Variants in CEBPZOS observed in about 807,000 individuals in gnomAD.
The protein encoded by CEBPZOS is CEBPZ opposite strand, also known as protein CEBPZOS.
In CEBPZOS, 10 loss-of-function variants were observed where a neutral mutation model predicts 4.8. That is an observed-to-expected ratio of 2.07 (90% CI 1.28 to 3.52). CEBPZOS has a LOEUF of 3.52. CEBPZOS is among the 30% of genes most tolerant of loss of function. The pLI is 0.00. For missense variants in CEBPZOS, 98 were observed against 43.6 expected, an observed-to-expected ratio of 2.25 and a Z score of -3.51; for synonymous variants, 25 against 14.2, an observed-to-expected ratio of 1.77 and a Z score of -1.72.
At position 37,200,494 on chromosome 2, in the gene CEBPZOS, A is replaced by C. The variant is rs147544909; in HGVS notation, c.116-554A>C. 3.5e-3 allele frequency among the ~76,000 whole-genome samples: 537 copies of C among 152,282 alleles called. 4 individuals are homozygous for C. Among genetic ancestry groups the C allele is most frequent in the African/African-American group, 0.012 (509 of 41,552 alleles). Reference sequence around the variant, plus strand: ...AACTCTAAGGAAGGGTATTAAAAAAACATCCCAACAGTATTTAAAAACAAA... The same window carrying C: ...AACTCTAAGGAAGGGTATTAAAAAACCATCCCAACAGTATTTAAAAACAAA... On this transcript the variant is annotated intron_variant, in intron 2 of 4. Coordinates refer to ENST00000402297, the MANE Select transcript of CEBPZOS (RefSeq NM_001322374.2).
chr2:37,212,698 T>A (rs1677761911), intron 4 of CEBPZOS: 1 of 374,890 alleles, frequency 2.7e-6, no homozygotes, highest in Admixed American at 4.4e-5. Context: ...CTTTTTACTC[T>A]ATTAGAACTA....
chr2:37,200,912 AG>A (rs1320788708), intron 2 of CEBPZOS, 135 bp from the exon 3 acceptor site: 8 of 590,162 alleles, frequency 1.4e-5, no homozygotes, highest in African/African-American at 1.3e-4. Context: ...CTGGATTACC[AG>A]AAAGACCTTC....
intron 1 of CEBPZOS, among the ~76,000 whole-genome samples, chr2:37,197,040 C>G (rs1676978159): frequency 6.6e-6 from 1 of 152,200 alleles, no homozygotes; most frequent in Non-Finnish European, 1.5e-5. Context: ...GCACATTTGG[C>G]TTGAGCTTGT....
At position 37,201,902 on chromosome 2, in the gene CEBPZOS, A is replaced by C; in HGVS notation, c.*42A>C. The C allele has an allele frequency of 6.2e-7, 1 of 1,611,100 alleles. No homozygotes were observed. The highest frequency in any genetic ancestry group is 8.5e-7 in the Non-Finnish European group (1 of 1,179,376). On this transcript the variant is annotated 3_prime_UTR_variant, in exon 5 of 5. Transcript: ENST00000402297. ...CAGCCTCCCATCTAAGCTGTTTGAG[A>C]CCTTTGAGAGAAGAAGAAAAGATGA... is the stretch of plus-strand genomic sequence containing the variant.
At position 37,201,997 on chromosome 2, in the gene CEBPZOS, C is replaced by A; in HGVS notation, c.*137C>A. On this transcript the variant is annotated 3_prime_UTR_variant, in exon 5 of 5. Coordinates refer to ENST00000402297, the MANE Select transcript of CEBPZOS (RefSeq NM_001322374.2). The stretch of plus-strand genomic sequence containing the variant: ...CTGCTGAGTCACAGGAACTTCTAGC[C>A]TGCCTTGGCCTGTGGTTTCCCACCC... 8.3e-7 allele frequency: 1 copy of A among 1,201,704 alleles called. No individual in the cohort carries two copies. Among genetic ancestry groups the A allele is most frequent in the Non-Finnish European group, 1.2e-6 (1 of 857,840 alleles). The allele number at this position is 1,201,704 out of a possible 1,614,324, so 74.4% of individuals were successfully genotyped here.
chr2:37,198,463 A>C (rs900803113), intron 1 of CEBPZOS: 1 of 152,212 alleles, frequency 6.6e-6, no homozygotes, highest in East Asian at 1.9e-4. Flanking sequence ...ATCCTACAAA[A>C]GGAAGGTTAT....
chr2:37,208,251 T>C (rs760625428), downstream of CEBPZOS, among the ~76,000 whole-genome samples: 1 of 152,180 alleles, frequency 6.6e-6, no homozygotes, highest in Admixed American at 6.5e-5. Flanking sequence ...CTACTGAAAC[T>C]ATTCCAAAAG....
chr2:37,199,136 A>G (rs1057293444), intron 1 of CEBPZOS, among the ~76,000 whole-genome samples: 3 of 150,134 alleles, frequency 2.0e-5, no homozygotes, highest in Non-Finnish European at 4.5e-5. Context: ...ACAGTTTAGT[A>G]TATGTTGTAT....
chr2:37,199,242 A>G (rs1677093804), intron 1 of CEBPZOS, among the ~76,000 whole-genome samples: 1 of 152,148 alleles, frequency 6.6e-6, no homozygotes, highest in African/African-American at 2.4e-5. Context: ...TGTATGTTGT[A>G]TTAATAAATG....
At chr2:37,214,121 T>C (rs17020307), downstream of CEBPZOS, among the ~76,000 whole-genome samples, 3,336 of 152,288 alleles carry the variant, frequency 0.022, 72 homozygotes, top group African/African-American at 0.061. Context: ...ATACAAAAAA[T>C]AGTTTAACTC....
chr2:37,205,438 C>T (rs1475683618), downstream of CEBPZOS, among the ~76,000 whole-genome samples: 1 of 152,214 alleles, frequency 6.6e-6, no homozygotes, highest in Non-Finnish European at 1.5e-5. Flanking sequence ...TTGTGACCCC[C>T]ACTCCTGCCA....
At chr2:37,210,411 T>C (rs1677683048) in intron 4 of CEBPZOS, 1 of 152,142 alleles carries the variant, frequency 6.6e-6, no homozygotes, top group South Asian at 2.1e-4. Context: ...GAAAATGTGG[T>C]ATACATATAC....
chr2:37,204,809 A>G (rs1379566984), downstream of CEBPZOS: 2 of 152,236 alleles, frequency 1.3e-5, no homozygotes, highest in Non-Finnish European at 2.9e-5. Context: ...AACTATTATC[A>G]ATTGAGATCT....
chr2:37,201,115 A>G (rs1033878109), intron 3 of CEBPZOS, 23 bp downstream of exon 3: 12 of 711,542 alleles, frequency 1.7e-5, no homozygotes, highest in African/African-American at 1.6e-4. Context: ...TTAAGTAAAA[A>G]TAAGTATAAA....
chr2:37,199,970 T>G (rs1436094518), intron 2 of CEBPZOS, among the ~76,000 whole-genome samples, 151 bp downstream of exon 2: 1 of 152,158 alleles, frequency 6.6e-6, no homozygotes, highest in African/African-American at 2.4e-5. Flanking sequence ...AATCAAAGTA[T>G]TCATTATTGT....
chr2:37,197,992 T>C (rs889427079), intron 1 of CEBPZOS, among the ~76,000 whole-genome samples: 2 of 152,008 alleles, frequency 1.3e-5, no homozygotes, highest in Non-Finnish European at 2.9e-5. Context: ...GAAATCCGTC[T>C]CTACTAAAAT....
chr2:37,214,968 T>G (rs1351621437), downstream of CEBPZOS: 1 of 1,546,740 alleles, frequency 6.5e-7, no homozygotes, highest in Non-Finnish European at 8.9e-7. Flanking sequence ...AAAATAAATT[T>G]AAACATTTTA....
At position 37,201,956 on chromosome 2, in the gene CEBPZOS, G is replaced by A. The variant is rs893744649; in HGVS notation, c.*96G>A. Reference sequence around the variant, plus strand: ...TACTACCACACTGTAGACTCTTGGTGGTCCCACAGAACATGCTGCTGAGTC... The same window carrying A: ...TACTACCACACTGTAGACTCTTGGTAGTCCCACAGAACATGCTGCTGAGTC... On this transcript the variant is annotated 3_prime_UTR_variant, in exon 5 of 5. Coordinates refer to ENST00000402297, the MANE Select transcript of CEBPZOS (RefSeq NM_001322374.2). 3 of 1,541,210 alleles carry A rather than the reference G, an allele frequency of 1.9e-6. No individual in the cohort carries two copies. The highest frequency in any genetic ancestry group is 2.3e-5 in the East Asian group (1 of 44,262).
chr2:37,198,867 G>C (rs978646906), intron 1 of CEBPZOS, among the ~76,000 whole-genome samples: 1 of 152,110 alleles, frequency 6.6e-6, no homozygotes, highest in East Asian at 1.9e-4. Context: ...CTGCGTGTCT[G>C]CGAAAGGGCA....
Sources: gnomAD v4.1 joint callset for allele counts (sites outside exome capture counted in the v4.1 genomes callset) on GRCh38, gnomAD v4.1.1 for gene constraint, MANE v1.5 for transcripts, NCBI Gene and HGNC (gene_info 2026-07-23, HGNC 2026-07-21) for gene names.